The following ARHGAP15 variants were observed in gnomAD, a reference collection of about 807,000 sequenced individuals.
ARHGAP15 encodes the protein Rho GTPase activating protein 15, also known as rho GTPase-activating protein 15.
Under a neutral mutation model 63.7 loss-of-function variants are expected in ARHGAP15, and 51 were observed. The ratio of observed to expected loss-of-function variants is 0.80; its 90% confidence interval spans 0.64 to 1.01. The LOEUF (loss-of-function observed/expected upper bound fraction) is 1.01, where lower values mean the gene tolerates loss of function less well. Among genes scored for constraint, ARHGAP15 ranks in the 50% least tolerant of loss-of-function variants. ARHGAP15 has a pLI of 0.00. For synonymous variants in ARHGAP15, 191 were observed against 193.8 expected (o/e 0.99, Z 0.12); for missense variants, 560 against 564.6 (o/e 0.99, Z 0.08).
At chr2:143,211,477 G>A (rs16858857) in intron 3 of ARHGAP15, among the ~76,000 whole-genome samples, 26,148 of 151,982 alleles carry the variant, frequency 0.17, 2,400 homozygotes, top group East Asian at 0.31. Flanking sequence ...TAACAGCAAA[G>A]TACTATGATC....
At chr2:143,746,385 A>T (rs1281955674) in intron 13 of ARHGAP15, among the ~76,000 whole-genome samples, 1 of 152,210 alleles carries the variant, frequency 6.6e-6, no homozygotes, top group Non-Finnish European at 1.5e-5. Context: ...AAAGAAAGTA[A>T]AACACAGAAG....
intron 6 of ARHGAP15, among the ~76,000 whole-genome samples, chr2:143,382,642 G>A (rs569639026): frequency 1.3e-5 from 2 of 152,160 alleles, no homozygotes; most frequent in African/African-American, 4.8e-5. Flanking sequence ...CTTTTCTTGA[G>A]GGGGACACAA....
chr2:143,479,557 T>A (rs1289796373), intron 8 of ARHGAP15, among the ~76,000 whole-genome samples: 2 of 152,108 alleles, frequency 1.3e-5, no homozygotes, highest in East Asian at 3.8e-4. Context: ...TAATTCAGCT[T>A]TCAATATCAG....
chr2:143,450,015 ACTTT>A (rs1690333316), intron 8 of ARHGAP15, among the ~76,000 whole-genome samples: 1 of 150,892 alleles, frequency 6.6e-6, no homozygotes, highest in Non-Finnish European at 1.5e-5. Context: ...TACCTTTCTT[ACTTT>A]AAGACAGCTT....
intron 12 of ARHGAP15, among the ~76,000 whole-genome samples, chr2:143,661,935 G>A (rs1025306521): frequency 8.5e-5 from 13 of 152,122 alleles, no homozygotes; most frequent in Non-Finnish European, 1.3e-4. Context: ...ACAGAGTCTC[G>A]CTGATTGCTA....
chr2:143,421,871 AAGAG>A (rs902232485), intron 6 of ARHGAP15, among the ~76,000 whole-genome samples: 10 of 151,402 alleles, frequency 6.6e-5, no homozygotes, highest in Middle Eastern at 6.8e-3. Flanking sequence ...AGATGACAGA[AAGAG>A]AGAGAGTGTG....
chr2:143,164,806 C>G (rs985493620), intron 2 of ARHGAP15, among the ~76,000 whole-genome samples: 4 of 151,674 alleles, frequency 2.6e-5, no homozygotes, highest in African/African-American at 9.7e-5. Context: ...ACTATAGTCA[C>G]TGTTATATCT....
At chr2:143,218,277 C>CTTTTTTTTTT (rs762494225) in intron 4 of ARHGAP15, among the ~76,000 whole-genome samples, 185 of 92,044 alleles carry the variant, frequency 2.0e-3, no homozygotes, top group Non-Finnish European at 2.4e-3. Context: ...TTTAGTTTTC[C>CTTTTTTTTTT]TTTTTTTTTT....
At chr2:143,624,638 C>T (rs922495791) in intron 12 of ARHGAP15, among the ~76,000 whole-genome samples, 1 of 152,070 alleles carries the variant, frequency 6.6e-6, no homozygotes, top group Non-Finnish European at 1.5e-5. Flanking sequence ...AAAGCGGTCT[C>T]GAAAAGGATC....
rs192221457 is a variant in ARHGAP15, at chr2:143,354,184, C to T, written c.475-81417C>T. Among the ~76,000 whole-genome samples, 152 of 152,240 alleles carry T rather than the reference C, an allele frequency of 1.0e-3. 3 individuals carry two copies. Among genetic ancestry groups the T allele is most frequent in the Admixed American group, 8.1e-3 (124 of 15,264 alleles). ...CACACTTTCAGAGGGAACTGGTAAG[C>T]TCTGAGGTTCAGTATGAGAGGCAGT... On this transcript the variant is annotated intron_variant, in intron 6 of 13. Coordinates refer to ENST00000295095, the MANE Select transcript of ARHGAP15 (RefSeq NM_018460.4).
chr2:143,603,915 A>ATG (rs1697879033), intron 11 of ARHGAP15, among the ~76,000 whole-genome samples: 2 of 152,210 alleles, frequency 1.3e-5, no homozygotes, highest in Non-Finnish European at 2.9e-5. Context: ...TACCAATGTG[A>ATG]AGCTCTAAAA....
At chr2:143,340,841 CTTTTTCTG>C (rs1355689006) in intron 6 of ARHGAP15, among the ~76,000 whole-genome samples, 2 of 152,018 alleles carry the variant, frequency 1.3e-5, no homozygotes, top group African/African-American at 4.8e-5. Context: ...AAATATTTTT[CTTTTTCTG>C]TTTTTCTGAC....
At chr2:143,382,525 ATTAGGGTCCCC>A (rs1312351926) in intron 6 of ARHGAP15, among the ~76,000 whole-genome samples, 4 of 152,144 alleles carry the variant, frequency 2.6e-5, no homozygotes, top group Non-Finnish European at 5.9e-5. Context: ...ATCATATTGA[ATTAGGGTCCCC>A]TTAATGACCT....
At chr2:143,697,029 A>G (rs1683879232) in intron 12 of ARHGAP15, among the ~76,000 whole-genome samples, 1 of 152,208 alleles carries the variant, frequency 6.6e-6, no homozygotes, top group African/African-American at 2.4e-5. Flanking sequence ...AAGGGCACAG[A>G]ACCTTGAAAA....
intron 8 of ARHGAP15, among the ~76,000 whole-genome samples, chr2:143,481,217 G>A (rs941099648): frequency 2.0e-5 from 3 of 152,006 alleles, no homozygotes; most frequent in African/African-American, 7.2e-5. Context: ...GAATTGAAAT[G>A]TTTAGAGCTC....
chr2:143,212,057 T>C (rs1044684609), intron 3 of ARHGAP15, among the ~76,000 whole-genome samples: 2 of 152,230 alleles, frequency 1.3e-5, no homozygotes, highest in Admixed American at 1.3e-4. Context: ...AAGGGTTATT[T>C]TAACAGAACC....
At chr2:143,442,989 A>G (rs1689959076) in intron 8 of ARHGAP15, among the ~76,000 whole-genome samples, 1 of 151,202 alleles carries the variant, frequency 6.6e-6, no homozygotes, top group Non-Finnish European at 1.5e-5. Flanking sequence ...CAAAACCAAT[A>G]TATTTTTTTC....
chr2:143,650,998 T>C (rs533488790), intron 12 of ARHGAP15, among the ~76,000 whole-genome samples: 2 of 152,054 alleles, frequency 1.3e-5, no homozygotes, highest in African/African-American at 4.8e-5. Context: ...TGTATCTCTA[T>C]GCACTAAGTA....
At chr2:143,299,399 C>G (rs1185223643) in intron 6 of ARHGAP15, among the ~76,000 whole-genome samples, 1 of 151,926 alleles carries the variant, frequency 6.6e-6, no homozygotes, top group Non-Finnish European at 1.5e-5. Flanking sequence ...ATATTTACCA[C>G]ACTTTCTCAT....
Sources: gnomAD v4.1 joint callset for allele counts (sites outside exome capture counted in the v4.1 genomes callset) on GRCh38, gnomAD v4.1.1 for gene constraint, MANE v1.5 for transcripts, NCBI Gene and HGNC (gene_info 2026-07-23, HGNC 2026-07-21) for gene names.